FCRL2: variants seen among roughly 807,000 people sequenced by gnomAD.
FCRL2 encodes Fc receptor like 2, also known as Fc receptor-like protein 2.
A neutral mutation model predicts 59.8 loss-of-function variants in FCRL2; 48 were observed. The observed-to-expected ratio is 0.80, with a 90% confidence interval of 0.64 to 1.02. The LOEUF (loss-of-function observed/expected upper bound fraction) is 1.02. Among genes scored for constraint, FCRL2 ranks in the 50% least tolerant of loss-of-function variants. The pLI is 0.00. For missense variants in FCRL2, 658 were observed against 597.3 expected, an observed-to-expected ratio of 1.10 and a Z score of -1.06; for synonymous variants, 251 against 229.5, an observed-to-expected ratio of 1.09 and a Z score of -0.85.
intron 2 of FCRL2, 135 bp downstream of exon 2, chr1:157,775,640 A>C: frequency 1.1e-6 from 1 of 890,392 alleles, no homozygotes; most frequent in Non-Finnish European, 1.7e-6. Flanking sequence ...GCGTGACCTC[A>C]GAACATGTCA....
At position 157,749,633 on chromosome 1, in the gene FCRL2, CT is replaced by C; in HGVS notation, c.1307+16del. ...GAGACCTCTAGAATTAAAATTTTTACTAGGAAGAGTTCTCACCTGGGTTCAT... is the reference window on the plus strand; with the variant it reads ...GAGACCTCTAGAATTAAAATTTTTACAGGAAGAGTTCTCACCTGGGTTCAT... On this transcript the variant is annotated intron_variant, in intron 8 of 11. Coordinates refer to ENST00000361516, the MANE Select transcript of FCRL2 (RefSeq NM_030764.4). The C allele has an allele frequency of 6.3e-7, 1 of 1,595,192 alleles. No individual in the cohort carries two copies. Among genetic ancestry groups the C allele is most frequent in the Non-Finnish European group, 8.6e-7 (1 of 1,166,342 alleles).
intron 6 of FCRL2, 40 bp from the exon 7 acceptor site, chr1:157,767,011 G>C (rs2101733171): frequency 6.5e-7 from 1 of 1,547,238 alleles, no homozygotes; most frequent in South Asian, 1.2e-5. Context: ...AGAGGTTTAA[G>C]ACTTGGGCCC....
At chr1:157,751,183 A>G (rs184986615) in intron 7 of FCRL2, among the ~76,000 whole-genome samples, 45 of 152,322 alleles carry the variant, frequency 3.0e-4, no homozygotes, top group African/African-American at 1.0e-3. Flanking sequence ...ATTAGAAAGA[A>G]ATATTGGTAG....
chr1:157,767,093 C>G, intron 6 of FCRL2, 122 bp from the exon 7 acceptor site: 1 of 1,327,380 alleles, frequency 7.5e-7, no homozygotes, highest in Non-Finnish European at 1.0e-6. Flanking sequence ...AGTCTGTACT[C>G]TTCAGGTTAG....
Position 157,774,860 on chromosome 1 carries a change from A to G in FCRL2, c.52+915T>C, listed in dbSNP as rs765610059. 8.5e-5 allele frequency among the ~76,000 whole-genome samples: 13 copies of G among 152,166 alleles called. 1 individual carries two copies. The highest frequency in any genetic ancestry group is 1.8e-4 in the Non-Finnish European group (12 of 68,018). On this transcript the variant is annotated intron_variant, in intron 2 of 11. Coordinates refer to ENST00000361516, the MANE Select transcript of FCRL2 (RefSeq NM_030764.4). The stretch of plus-strand genomic sequence containing the variant: ...TTCCCACACTGTTCCTTAGAGCCCA[A>G]AGAGCCCCTTCCACTTGGTAGCCAG...
rs1289429311 is a variant in FCRL2, at chr1:157,746,061, C to T, written c.*675G>A. The T allele has an allele frequency of 6.6e-6, 1 of 152,172 alleles. No individual in the cohort carries two copies. Among genetic ancestry groups the T allele is most frequent in the Non-Finnish European group, 1.5e-5 (1 of 68,046 alleles). The allele number at this position is 152,172 out of a possible 1,614,324, so 9.4% of individuals were successfully genotyped here. On this transcript the variant is annotated 3_prime_UTR_variant, in exon 12 of 12. Coordinates refer to ENST00000361516, the MANE Select transcript of FCRL2 (RefSeq NM_030764.4). ...GGAAGAGACAGAAACCCCTCCTAGA[C>T]CAATATCAAGCGCTGAAGTTGAATT...
In FCRL2 at chr1:157,768,632, A is replaced by G. The variant is rs1649726489; in HGVS notation, c.665T>C (p.Leu222Pro). ...PGGQVTEGQK[L>P]ILLCSVAGGT... is the part of the protein sequence containing the mutation. The stretch of plus-strand genomic sequence containing the variant: ...CCCAGCCACTGAGCAGAGCAGGATC[A>G]GTTTTTGTCCTTCAGTCACCTGTCC... Residue 222 changes from leucine to proline, a missense_variant, in exon 5 of 12, where the codon CTG becomes CCG. Physicochemically the swap from Leu to Pro is moderately conservative, Grantham distance 98. Transcript: ENST00000361516. 4 of 1,614,172 alleles carry G rather than the reference A, an allele frequency of 2.5e-6. No homozygotes were observed. The highest frequency in any genetic ancestry group is 3.4e-6 in the Non-Finnish European group (4 of 1,180,022).
intron 10 of FCRL2, among the ~76,000 whole-genome samples, chr1:157,747,588 C>G (rs1333859266): frequency 6.6e-6 from 1 of 152,172 alleles, no homozygotes; most frequent in Non-Finnish European, 1.5e-5. Flanking sequence ...AGGAGAGTAG[C>G]TAGATGACCA....
chr1:157,751,319 C>T (rs1648167378), intron 7 of FCRL2, among the ~76,000 whole-genome samples: 1 of 152,110 alleles, frequency 6.6e-6, no homozygotes, highest in Non-Finnish European at 1.5e-5. Context: ...GTAAAACTGG[C>T]AAGAGGCTAA....
chr1:157,757,717 C>A (rs1648707854), intron 7 of FCRL2, among the ~76,000 whole-genome samples: 1 of 152,212 alleles, frequency 6.6e-6, no homozygotes, highest in Non-Finnish European at 1.5e-5. Context: ...AATCCCAGCA[C>A]TTCGGGAGGC....
rs149829829 is a variant in FCRL2 at position 157,767,276 on chromosome 1, C to T, written c.1117G>A (p.Gly373Ser). ...SGNYSCEANN[G>S]LGAQCSEAVP... ...GCCTCACTGCACTGGGCCCCCAGGC[C>T]GTTGTTGGCCTCACAGGAGTAGTTT... The change falls in exon 6 of 12, where the codon GGC (glycine) becomes AGC (serine). Residue 373 changes from glycine (G) to serine (S), a missense_variant. Gly to Ser is a moderately conservative substitution (Grantham distance 56). Transcript: ENST00000361516. 62 of 1,614,010 alleles carry T rather than the reference C, an allele frequency of 3.8e-5. No individual in the cohort carries two copies. The Middle Eastern group carries it at 4.9e-4, about 13-fold the overall frequency.
At chr1:157,776,577 T>C (rs1188095555) in intron 1 of FCRL2, among the ~76,000 whole-genome samples, 1 of 152,178 alleles carries the variant, frequency 6.6e-6, no homozygotes, top group East Asian at 1.9e-4. Context: ...CCAGGAATCT[T>C]ATTTTCTAGC....
chr1:157,749,986 T>C (rs1185676567), intron 7 of FCRL2, among the ~76,000 whole-genome samples: 2 of 152,246 alleles, frequency 1.3e-5, no homozygotes, highest in Non-Finnish European at 2.9e-5. Flanking sequence ...CTGTACAATG[T>C]TGTTTTAACT....
At chr1:157,760,754 A>AGAAG (rs1649022588) in intron 7 of FCRL2, among the ~76,000 whole-genome samples, 1 of 147,792 alleles carries the variant, frequency 6.8e-6, no homozygotes, top group African/African-American at 2.6e-5. Context: ...AAAGAAAGAA[A>AGAAG]GAAGAAAGAA....
intron 7 of FCRL2, among the ~76,000 whole-genome samples, chr1:157,750,516 T>C (rs1318081047): frequency 6.6e-6 from 1 of 152,226 alleles, no homozygotes; most frequent in Non-Finnish European, 1.5e-5. Context: ...TATATAATCG[T>C]GGTCAAAGTC....
rs1649688995 is a variant in FCRL2, at chr1:157,768,354, ATG to A, written c.883+58_883+59del. ...GCCTCCTGAAATTTCCTCAGGACAC[ATG>A]TGTATCATGACCTTGGTCTGGGAAT... On this transcript the variant is annotated intron_variant, in intron 5 of 11. Transcript: ENST00000361516. 7 of 1,555,668 alleles carry A rather than the reference ATG, an allele frequency of 4.5e-6. No homozygotes were observed. The East Asian group carries it at 1.6e-4, about 35-fold the overall frequency.
At chr1:157,776,948 C>T (rs1000628957) in intron 1 of FCRL2, 95 bp downstream of exon 1, 2 of 1,220,634 alleles carry the variant, frequency 1.6e-6, no homozygotes, top group Non-Finnish European at 1.2e-6. Flanking sequence ...AGCATCCCCA[C>T]CAGTCCCTGG....
chr1:157,771,690 C>G (rs566873217), intron 2 of FCRL2, among the ~76,000 whole-genome samples: 1 of 152,172 alleles, frequency 6.6e-6, no homozygotes, highest in South Asian at 2.1e-4. Context: ...CATTTATTTA[C>G]GGTACCAGAC....
chr1:157,773,647 A>G (rs891494998), intron 2 of FCRL2, among the ~76,000 whole-genome samples: 2 of 152,212 alleles, frequency 1.3e-5, no homozygotes, highest in East Asian at 1.9e-4. Context: ...GATGGCTCCA[A>G]TGCCAACCAC....
Sources: gnomAD v4.1 joint callset for allele counts (sites outside exome capture counted in the v4.1 genomes callset) on GRCh38, gnomAD v4.1.1 for gene constraint, MANE v1.5 for transcripts, NCBI Gene and HGNC (gene_info 2026-07-23, HGNC 2026-07-21) for gene names.